Variants in CDH11 observed in about 807,000 individuals in gnomAD.
CDH11 encodes cadherin-11.
Under a neutral mutation model 67.8 loss-of-function variants are expected in CDH11, and 11 were observed. That is an observed-to-expected ratio of 0.16 (90% CI 0.10 to 0.27). The LOEUF is 0.27. CDH11 is among the 10% of genes least tolerant of loss of function. The pLI, the probability that CDH11 is intolerant of heterozygous loss-of-function variation, is 1.00. For synonymous variants in CDH11, 419 were observed against 400.0 expected (o/e 1.05, Z -0.57); for missense variants, 847 against 1,031.2 (o/e 0.82, Z 2.45).
intron 2 of CDH11, among the ~76,000 whole-genome samples, chr16:65,022,776 C>T (rs2073452822): frequency 6.6e-6 from 1 of 152,160 alleles, no homozygotes; most frequent in Admixed American, 6.5e-5. Context: ...CTGAAAAAAA[C>T]AGAGTACCCA....
chr16:64,950,810 T>C lies in CDH11; in HGVS notation c.1851A>G (p.Thr617=). 1 of 1,614,140 alleles carries C rather than the reference T, an allele frequency of 6.2e-7. No homozygotes were observed. Among genetic ancestry groups the C allele is most frequent in the Non-Finnish European group, 8.5e-7 (1 of 1,180,012 alleles). The change falls in exon 12 of 13, where the codon ACA becomes ACG. Residue 617 remains threonine (T), a synonymous_variant. Transcript: ENST00000268603. ...EAYILNAGLS[T]GALIAILACI... ...AGGCGAGGATGGCGATCAGGGCGCC[T>C]GTGCTCAGGCCGGCGTTCAGAATGT...
At chr16:64,970,633 G>T (rs34680371) in intron 11 of CDH11, among the ~76,000 whole-genome samples, 2 of 152,182 alleles carry the variant, frequency 1.3e-5, no homozygotes, top group East Asian at 3.9e-4. Flanking sequence ...CAGTAATGGG[G>T]AAAGTGATAA....
intron 8 of CDH11, among the ~76,000 whole-genome samples, chr16:64,975,474 T>C (rs1182902518): frequency 6.6e-6 from 1 of 152,068 alleles, no homozygotes; most frequent in Admixed American, 6.6e-5. Flanking sequence ...CATGAGGTGA[T>C]GAGAGTGAAG....
Position 64,946,676 on chromosome 16 carries a change from A to G in CDH11, c.*927T>C, listed in dbSNP as rs2071203711. ...ATAAAAGCAGCAGACAGACAACAAC[A>G]GATCATAAATAGGGTTATTAAAAGA... is the stretch of plus-strand genomic sequence containing the variant. On this transcript the variant is annotated 3_prime_UTR_variant, in exon 13 of 13. Transcript: ENST00000268603. 1 of 961,708 alleles carries G rather than the reference A, an allele frequency of 1.0e-6. No homozygotes were observed. The highest frequency in any genetic ancestry group is 1.7e-5 in the African/African-American group (1 of 57,700). 59.6% of individuals were successfully genotyped at this position (961,708 alleles called of 1,614,324 possible).
chr16:65,082,213 A>G (rs1597171384), intron 1 of CDH11, among the ~76,000 whole-genome samples: 1 of 152,206 alleles, frequency 6.6e-6, no homozygotes. Context: ...TAGCCAGGTC[A>G]GGGCTCAGCT....
At chr16:64,977,670 G>T (rs1597042380) in intron 8 of CDH11, among the ~76,000 whole-genome samples, 2 of 152,126 alleles carry the variant, frequency 1.3e-5, no homozygotes, top group South Asian at 4.1e-4. Context: ...AAAGTAAAAA[G>T]CTCAAAATGA....
intron 1 of CDH11, among the ~76,000 whole-genome samples, chr16:65,076,838 T>C (rs577862995): frequency 6.6e-6 from 1 of 152,126 alleles, no homozygotes; most frequent in Non-Finnish European, 1.5e-5. Flanking sequence ...TTAAACCATG[T>C]CCCTGCAAGA....
chr16:65,043,185 T>C (rs1366720186), intron 2 of CDH11, among the ~76,000 whole-genome samples: 1 of 152,226 alleles, frequency 6.6e-6, no homozygotes, highest in East Asian at 1.9e-4. Flanking sequence ...GTACAGTGTT[T>C]AGCATCCCAT....
chr16:64,959,464 T>C lies in CDH11; in HGVS notation c.1643-8446A>G, dbSNP rs370367012. The stretch of plus-strand genomic sequence containing the variant: ...GGGGGATATTGACATTTAGGGTCTT[T>C]AAGCTAACTAGTTAAGTCAGTGACC... On this transcript the variant is annotated intron_variant, in intron 11 of 12. Transcript: ENST00000268603. 1.6e-4 allele frequency among the ~76,000 whole-genome samples: 25 copies of C among 152,280 alleles called. No homozygotes were observed. In the East Asian group the frequency reaches 2.7e-3, roughly 16 times the overall value.
At chr16:64,989,006 T>C (rs929081862) in intron 6 of CDH11, among the ~76,000 whole-genome samples, 2 of 152,158 alleles carry the variant, frequency 1.3e-5, no homozygotes, top group African/African-American at 4.8e-5. Flanking sequence ...GGTACTGTCC[T>C]AGTGCCAGGA....
At chr16:65,050,966 T>C (rs2074046372) in intron 2 of CDH11, among the ~76,000 whole-genome samples, 1 of 152,088 alleles carries the variant, frequency 6.6e-6, no homozygotes, top group South Asian at 2.1e-4. Context: ...GCCGATGAAA[T>C]GAAGAGCCCC....
chr16:65,105,469 C>T (rs1387195608), intron 1 of CDH11, among the ~76,000 whole-genome samples: 1 of 152,210 alleles, frequency 6.6e-6, no homozygotes, highest in Non-Finnish European at 1.5e-5. Flanking sequence ...TCTGACTATC[C>T]AACCTGACAC....
chr16:65,065,725 T>A (rs985532994), intron 1 of CDH11, among the ~76,000 whole-genome samples: 1 of 152,198 alleles, frequency 6.6e-6, no homozygotes, highest in Admixed American at 6.5e-5. Context: ...CTCAACAGCA[T>A]CTTTCTGCCA....
chr16:65,117,812 T>C (rs995657147), intron 1 of CDH11, among the ~76,000 whole-genome samples: 1 of 152,130 alleles, frequency 6.6e-6, no homozygotes, highest in Non-Finnish European at 1.5e-5. Flanking sequence ...ATGCTCTTTT[T>C]GCCAGAAAAA....
intron 1 of CDH11, among the ~76,000 whole-genome samples, chr16:65,120,275 C>CT (rs1388202026): frequency 6.6e-6 from 1 of 152,174 alleles, no homozygotes; most frequent in African/African-American, 2.4e-5. Flanking sequence ...TCATGCGATG[C>CT]TACAGGATCC....
At chr16:65,040,403 T>C (rs1459937383) in intron 2 of CDH11, among the ~76,000 whole-genome samples, 1 of 152,130 alleles carries the variant, frequency 6.6e-6, no homozygotes, top group Non-Finnish European at 1.5e-5. Context: ...ATTTCCTTTG[T>C]AGCGACGTGG....
chr16:65,099,791 C>G (rs760902404), intron 1 of CDH11, among the ~76,000 whole-genome samples: 2 of 152,092 alleles, frequency 1.3e-5, no homozygotes, highest in Non-Finnish European at 2.9e-5. Context: ...ATAACTTGTC[C>G]TCATGGCAAT....
At chr16:65,043,742 T>A (rs528309607) in intron 2 of CDH11, among the ~76,000 whole-genome samples, 1 of 152,312 alleles carries the variant, frequency 6.6e-6, no homozygotes, top group South Asian at 2.1e-4. Context: ...CTGTTCTTGA[T>A]GCTTCCAAAA....
chr16:65,009,674 A>G (rs892167844), intron 2 of CDH11, among the ~76,000 whole-genome samples: 4 of 152,214 alleles, frequency 2.6e-5, no homozygotes, highest in African/African-American at 9.6e-5. Context: ...TAGTTCTTGA[A>G]CAATCCATTA....
Sources: allele counts gnomAD v4.1 joint callset (sites outside exome capture counted in the v4.1 genomes callset), GRCh38; gene constraint gnomAD v4.1.1; transcripts MANE v1.5; gene names NCBI Gene and HGNC (gene_info 2026-07-23, HGNC 2026-07-21).